DST: variants seen among roughly 807,000 people sequenced by gnomAD.
The protein encoded by DST is dystonin, also known as bullous pemphigoid antigen.
In DST, 253 loss-of-function variants were observed where a neutral mutation model predicts 875.2. The ratio of observed to expected loss-of-function variants is 0.29; its 90% CI spans 0.26 to 0.32. DST has a LOEUF of 0.32. Among genes scored for constraint, DST ranks in the 10% least tolerant of loss-of-function variants. The pLI is 1.00. For missense variants in DST, 8,287 were observed against 9,111.6 expected (o/e 0.91, Z 3.68); for synonymous variants, 3,124 against 3,197.1 (o/e 0.98, Z 0.77).
In DST at chr6:56,476,133, A is replaced by G. The variant is rs1167380079; in HGVS notation, c.21864+16T>C. ...GAGATAATGGTTAACAGGAGTTAGG[A>G]TTATATTTATTTTACCTGGTGTTCT... is the stretch of plus-strand genomic sequence containing the variant. On this transcript the variant is annotated intron_variant, in intron 92 of 103. Coordinates refer to ENST00000680361, the MANE Select transcript of DST (RefSeq NM_001374736.1). 6.3e-7 allele frequency: 1 copy of G among 1,584,366 alleles called. No individual in the cohort carries two copies. The highest frequency in any genetic ancestry group is 1.2e-5 in the South Asian group (1 of 86,220).
intron 2 of DST, among the ~76,000 whole-genome samples, chr6:56,921,965 A>C (rs1804489583): frequency 6.6e-6 from 1 of 152,196 alleles, no homozygotes; most frequent in Non-Finnish European, 1.5e-5. Context: ...TGCTAAACAC[A>C]CAGCACTGAA....
chr6:56,834,755 G>A (rs1203864717), intron 4 of DST, among the ~76,000 whole-genome samples: 1 of 152,170 alleles, frequency 6.6e-6, no homozygotes, highest in African/African-American at 2.4e-5. Flanking sequence ...ATTCATTGCT[G>A]GTGGAAATGA....
chr6:56,642,220 G>A, intron 16 of DST, 119 bp from the exon 17 acceptor site: 1 of 952,758 alleles, frequency 1.0e-6, no homozygotes, highest in Non-Finnish European at 1.6e-6. Flanking sequence ...TTTCCTTGTT[G>A]GTTCAAAAAT....
intron 9 of DST, among the ~76,000 whole-genome samples, chr6:56,676,217 C>T (rs2099129041): frequency 6.6e-6 from 1 of 152,166 alleles, no homozygotes; most frequent in Non-Finnish European, 1.5e-5. Flanking sequence ...CAGGTGCCCA[C>T]CACCACACCT....
intron 36 of DST, chr6:56,616,289 G>A: frequency 6.2e-7 from 1 of 1,613,984 alleles, no homozygotes; most frequent in Non-Finnish European, 8.5e-7. Flanking sequence ...TTTAGTATCA[G>A]TCAGCATATG....
chr6:56,699,251 T>C (rs2099279969), intron 9 of DST, among the ~76,000 whole-genome samples: 1 of 152,224 alleles, frequency 6.6e-6, no homozygotes. Context: ...TGCCATCTAG[T>C]GTCTATCAAA....
intron 12 of DST, among the ~76,000 whole-genome samples, chr6:56,650,027 G>A (rs575000950): frequency 2.6e-5 from 4 of 152,212 alleles, no homozygotes; most frequent in Non-Finnish European, 5.9e-5. Context: ...CATGGGAACA[G>A]GCTACTCAGG....
chr6:56,926,137 T>TAA (rs35832341), intron 2 of DST, among the ~76,000 whole-genome samples: 1,817 of 149,978 alleles, frequency 0.012, 33 homozygotes, highest in East Asian at 0.039. Context: ...CAGGTGGATT[T>TAA]AAAAAAAAAA....
intron 5 of DST, among the ~76,000 whole-genome samples, chr6:56,722,368 G>GTTTATTTA (rs1554672067): frequency 3.6e-3 from 537 of 150,708 alleles, no homozygotes; most frequent in African/African-American, 4.6e-3. Context: ...GTACATGTTT[G>GTTTATTTA]TTTATTTATT....
rs1554220766 is a variant in DST, at chr6:56,872,824, C to CTG, written c.418-21221_418-21220insCA. ...CAGAATCTCTTCAATACACTGATTC[C>CTG]CCCCCCCCTTTTTTTTTTTTTCGGA... On this transcript the variant is annotated intron_variant, in intron 3 of 103. Transcript: ENST00000680361. Among the ~76,000 whole-genome samples, 25 of 103,116 alleles carry CTG rather than the reference C, an allele frequency of 2.4e-4. 1 individual carries two copies. Among genetic ancestry groups the CTG allele is most frequent in the African/African-American group, 1.7e-3 (24 of 13,796 alleles). 67.6% of individuals were successfully genotyped at this position (103,116 alleles called of 152,430 possible). A position where few individuals can be genotyped will look rare whatever the true frequency, so the allele number is the denominator to read the frequency against.
At chr6:56,852,070 A>G in intron 3 of DST, 1 of 1,397,796 alleles carries the variant, frequency 7.2e-7, no homozygotes, top group Middle Eastern at 2.7e-4. Context: ...CAGGATGTTG[A>G]GTCCCAACTC....
chr6:56,527,782 G>A, intron 67 of DST, 48 bp from the exon 68 acceptor site: 2 of 1,545,238 alleles, frequency 1.3e-6, no homozygotes, highest in Non-Finnish European at 1.7e-6. Flanking sequence ...AAAAAAGGCA[G>A]GGAGAGGGTT....
intron 4 of DST, among the ~76,000 whole-genome samples, chr6:56,761,348 C>T (rs934819595): frequency 2.0e-5 from 3 of 152,178 alleles, no homozygotes; most frequent in East Asian, 1.9e-4. Context: ...AATTGTTATA[C>T]GGCTAGAAAT....
intron 4 of DST, among the ~76,000 whole-genome samples, chr6:56,758,451 G>A (rs545103591): frequency 7.2e-6 from 1 of 139,776 alleles, no homozygotes. Flanking sequence ...GTTACTATGT[G>A]ACAAACTACA....
intron 5 of DST, among the ~76,000 whole-genome samples, chr6:56,727,638 G>A (rs1471836264): frequency 6.6e-6 from 1 of 152,172 alleles, no homozygotes; most frequent in Non-Finnish European, 1.5e-5. Flanking sequence ...GATTGAAGAA[G>A]AATGCAAATA....
intron 4 of DST, among the ~76,000 whole-genome samples, chr6:56,784,695 T>G (rs1047567668): frequency 6.6e-6 from 1 of 152,234 alleles, no homozygotes; most frequent in Admixed American, 6.5e-5. Flanking sequence ...TCGGAGTAGT[T>G]TGATCGTCTG....
intron 60 of DST, among the ~76,000 whole-genome samples, chr6:56,554,585 G>A (rs1378564838): frequency 6.6e-6 from 1 of 152,090 alleles, no homozygotes; most frequent in Non-Finnish European, 1.5e-5. Context: ...AAAGCTTTTA[G>A]TTTAATACCT....
chr6:56,801,002 A>C (rs1278183634), intron 4 of DST, among the ~76,000 whole-genome samples: 2 of 149,712 alleles, frequency 1.3e-5, no homozygotes, highest in Non-Finnish European at 3.0e-5. Flanking sequence ...CCGGGGCAAC[A>C]GAACAAAACA....
At chr6:56,913,569 C>T (rs1253527447) in intron 2 of DST, among the ~76,000 whole-genome samples, 1 of 152,064 alleles carries the variant, frequency 6.6e-6, no homozygotes, top group African/African-American at 2.4e-5. Context: ...ATATGACCTG[C>T]AAAGTCAAAA....
Sources: allele counts gnomAD v4.1 joint callset (sites outside exome capture counted in the v4.1 genomes callset), GRCh38; gene constraint gnomAD v4.1.1; transcripts MANE v1.5; gene names NCBI Gene and HGNC (gene_info 2026-07-23, HGNC 2026-07-21).